TBC1D22B: variants seen among roughly 807,000 people sequenced by gnomAD.
TBC1D22B encodes the protein TBC1 domain family member 22B, also known as chromosome 6 open reading frame 197.
TBC1D22B carries 32 observed loss-of-function variants against 69.1 expected under a neutral mutation model. The observed-to-expected ratio is 0.46, with a 90% CI of 0.35 to 0.62. The LOEUF (loss-of-function observed/expected upper bound fraction) is 0.62, where lower values mean the gene tolerates loss of function less well. Ranked by LOEUF, TBC1D22B falls within the 20% of genes least tolerant of loss-of-function variation. The pLI is 0.00. For missense variants in TBC1D22B, 462 were observed against 630.9 expected, an observed-to-expected ratio of 0.73 and a Z score of 2.87; for synonymous variants, 206 against 229.8, an observed-to-expected ratio of 0.90 and a Z score of 0.94.
intron 12 of TBC1D22B, among the ~76,000 whole-genome samples, chr6:37,330,231 T>TC (rs1409080657): frequency 2.5e-4 from 4 of 15,856 alleles, no homozygotes; most frequent in African/African-American, 6.5e-4. Context: ...TCTTTTTTTT[T>TC]TTTTTTTTTT....
At chr6:37,304,734 A>G (rs183661937) in intron 8 of TBC1D22B, among the ~76,000 whole-genome samples, 5 of 152,288 alleles carry the variant, frequency 3.3e-5, no homozygotes, top group Admixed American at 3.3e-4. Context: ...ATGTGTCAAG[A>G]CTCATAGAAC....
rs1485413744 is a variant in TBC1D22B at position 37,331,242 on chromosome 6, C to T, written c.*70C>T. 32 of 1,531,122 alleles carry T rather than the reference C, an allele frequency of 2.1e-5. No individual in the cohort carries two copies. The highest frequency in any genetic ancestry group is 1.0e-4 in the South Asian group (9 of 86,908). 94.8% of individuals were successfully genotyped at this position (1,531,122 alleles called of 1,614,324 possible). A position where few individuals can be genotyped will look rare whatever the true frequency, so the allele number is the denominator to read the frequency against. On this transcript the variant is annotated 3_prime_UTR_variant, in exon 13 of 13. Coordinates refer to ENST00000373491, the MANE Select transcript of TBC1D22B (RefSeq NM_017772.4). ...CAGTCTGATCACTGTGGCCACTGTG[C>T]GAGCCGTGGACCCCGGCCAGGAACC... is the stretch of plus-strand genomic sequence containing the variant.
At position 37,331,447 on chromosome 6, in the gene TBC1D22B, TG is replaced by T. The variant is rs1483084781; in HGVS notation, c.*277del. 9 of 328,146 alleles carry T rather than the reference TG, an allele frequency of 2.7e-5. No individual in the cohort carries two copies. In the East Asian group the frequency reaches 4.7e-4, roughly 17 times the overall value. 20.3% of individuals were successfully genotyped at this position (328,146 alleles called of 1,614,324 possible). ...GGTTGTCTGCCCCTTTAAAAGAAAC[TG>T]GACAAAGAAGGGGAAGGCTCAGGGT... is the stretch of plus-strand genomic sequence containing the variant. On this transcript the variant is annotated 3_prime_UTR_variant, in exon 13 of 13. Coordinates refer to ENST00000373491, the MANE Select transcript of TBC1D22B (RefSeq NM_017772.4).
chr6:37,330,058 T>C (rs1330788423), intron 12 of TBC1D22B, among the ~76,000 whole-genome samples: 4 of 152,200 alleles, frequency 2.6e-5, no homozygotes, highest in South Asian at 2.1e-4. Context: ...TAAGTCATCA[T>C]AGTGTGAGTG....
intron 1 of TBC1D22B, among the ~76,000 whole-genome samples, chr6:37,265,606 T>G (rs142092626): frequency 8.9e-4 from 135 of 152,070 alleles, no homozygotes; most frequent in African/African-American, 3.1e-3. Context: ...TTCCCTTTAC[T>G]CTTTGATTCC....
rs926218300 is a variant in TBC1D22B at position 37,325,707 on chromosome 6, G to A, written c.1390-5337G>A. ...TGGGACTACAGGGGCACGCCATGAC[G>A]CCCAGCTAATTTTTTGTATTTTAGT... On this transcript the variant is annotated intron_variant, in intron 12 of 12. Coordinates refer to ENST00000373491, the MANE Select transcript of TBC1D22B (RefSeq NM_017772.4). Among the ~76,000 whole-genome samples the A allele has an allele frequency of 4.0e-5, 6 of 151,840 alleles. No individual in the cohort carries two copies. The East Asian group carries it at 9.7e-4, about 24-fold the overall frequency.
rs775027321 is a variant in TBC1D22B, at chr6:37,316,804, A to G, written c.1267A>G (p.Thr423Ala). 7.4e-6 allele frequency: 12 copies of G among 1,614,044 alleles called. No homozygotes were observed. The highest frequency in any genetic ancestry group is 2.5e-6 in the Non-Finnish European group (3 of 1,180,026). The change falls in exon 11 of 13, where the codon ACC (threonine) becomes GCC (alanine). Residue 423 changes from threonine to alanine, a missense_variant. Physicochemically the swap from Thr to Ala is moderately conservative, Grantham distance 58 (BLOSUM62 0). This residue lies in a region of TBC1D22B where 225 missense variants were observed against 375.4 expected (regional missense o/e 0.60). Coordinates refer to ENST00000373491, the MANE Select transcript of TBC1D22B (RefSeq NM_017772.4). ...LLMRELPLRC[T>A]IRLWDTYQSE... The stretch of plus-strand genomic sequence containing the variant: ...TATGCGGGAGCTTCCTCTTCGCTGC[A>G]CCATCCGCCTGTGGGACACATATCA...
At chr6:37,262,381 C>T (rs957733567) in intron 1 of TBC1D22B, among the ~76,000 whole-genome samples, 1 of 152,100 alleles carries the variant, frequency 6.6e-6, no homozygotes, top group African/African-American at 2.4e-5. Flanking sequence ...ACAGGTCTTG[C>T]CATGTTGCCC....
rs541695350 is a variant in TBC1D22B, at chr6:37,293,313, G to A, written c.982+1956G>A. Among the ~76,000 whole-genome samples, 456 of 152,078 alleles carry A rather than the reference G, an allele frequency of 3.0e-3. 4 individuals are homozygous for A. Among genetic ancestry groups the A allele is most frequent in the African/African-American group, 9.8e-3 (407 of 41,486 alleles). On this transcript the variant is annotated intron_variant, in intron 8 of 12. Transcript: ENST00000373491. Reference sequence around the variant, plus strand: ...AGGATGGTCTCGATCTCCTGACCTCGTGATCCGCCCACCTCGGCCTCCCAA... The same window carrying A: ...AGGATGGTCTCGATCTCCTGACCTCATGATCCGCCCACCTCGGCCTCCCAA...
At chr6:37,259,637 G>T (rs951050372) in intron 1 of TBC1D22B, among the ~76,000 whole-genome samples, 1 of 152,166 alleles carries the variant, frequency 6.6e-6, no homozygotes, top group Non-Finnish European at 1.5e-5. Flanking sequence ...GATAGGAAGA[G>T]AAGTCTTTTC....
chr6:37,279,432 C>G lies in TBC1D22B; in HGVS notation c.242C>G (p.Ser81Cys). The G allele has an allele frequency of 6.2e-7, 1 of 1,614,196 alleles. No homozygotes were observed. The highest frequency in any genetic ancestry group is 1.1e-5 in the South Asian group (1 of 91,084). Residue 81 changes from serine to cysteine, a missense_variant, in exon 3 of 13, where the codon TCC (serine) becomes TGC (cysteine). This residue lies in a region of TBC1D22B where 237 missense variants were observed against 255.4 expected (regional missense o/e 0.93). Coordinates refer to ENST00000373491, the MANE Select transcript of TBC1D22B (RefSeq NM_017772.4). ...DIGDDEEEDF[S>C]SPSFQTLNSK... ...GGCGATGATGAGGAAGAGGACTTTT[C>G]CTCACCTTCTTTCCAAACTCTGAAC...
chr6:37,272,826 CCTAA>C (rs1167118999), intron 2 of TBC1D22B, among the ~76,000 whole-genome samples: 1 of 152,186 alleles, frequency 6.6e-6, no homozygotes, highest in African/African-American at 2.4e-5. Flanking sequence ...TTACTGGTTA[CCTAA>C]CTGATAGTCT....
chr6:37,317,068 T>C, intron 11 of TBC1D22B, 43 bp from the exon 12 acceptor site: 1 of 1,541,632 alleles, frequency 6.5e-7, no homozygotes, highest in Admixed American at 2.0e-5. Context: ...AGCTGAATCT[T>C]TGTCAGGGCT....
chr6:37,306,544 A>C (rs1767724389), intron 8 of TBC1D22B, among the ~76,000 whole-genome samples: 1 of 152,100 alleles, frequency 6.6e-6, no homozygotes, highest in Admixed American at 6.6e-5. Flanking sequence ...CATAACCCAA[A>C]TACTCAGAGT....
chr6:37,327,090 G>A (rs947545342), intron 12 of TBC1D22B, among the ~76,000 whole-genome samples: 7 of 152,152 alleles, frequency 4.6e-5, no homozygotes, highest in Non-Finnish European at 7.4e-5. Context: ...GTAGGAAGCA[G>A]CAGAGATGGG....
chr6:37,284,815 A>G (rs948709634), intron 6 of TBC1D22B, among the ~76,000 whole-genome samples: 2 of 152,200 alleles, frequency 1.3e-5, no homozygotes, highest in Admixed American at 6.5e-5. Flanking sequence ...GCTCCCTTGC[A>G]ATGCTGCTGC....
intron 8 of TBC1D22B, among the ~76,000 whole-genome samples, chr6:37,295,365 C>T (rs991117444): frequency 2.6e-5 from 4 of 152,170 alleles, no homozygotes; most frequent in Non-Finnish European, 5.9e-5. Flanking sequence ...CTTGGCCTCC[C>T]AAAGTCCTGA....
intron 12 of TBC1D22B, among the ~76,000 whole-genome samples, chr6:37,327,417 G>A (rs1331511842): frequency 3.8e-5 from 3 of 79,620 alleles, no homozygotes; most frequent in Admixed American, 1.7e-4. Context: ...GGCGGAGCTT[G>A]CAGTGAGCCG....
intron 1 of TBC1D22B, among the ~76,000 whole-genome samples, chr6:37,264,827 C>A (rs373126): frequency 0.022 from 3,281 of 152,038 alleles, 102 homozygotes; most frequent in African/African-American, 0.072. Flanking sequence ...GGGAAAAGAG[C>A]CTTATTTAAT....
Sources: gnomAD v4.1 joint callset for allele counts (sites outside exome capture counted in the v4.1 genomes callset) on GRCh38, gnomAD v4.1.1 for gene constraint, gnomAD v4.1.1 regional missense constraint, MANE v1.5 for transcripts, NCBI Gene and HGNC (gene_info 2026-07-23, HGNC 2026-07-21) for gene names.